TULP1: variants seen among roughly 807,000 people sequenced by gnomAD.
The protein encoded by TULP1 is TUB like protein 1.
TULP1 carries 50 observed loss-of-function variants against 67.1 expected under a neutral mutation model. That is an observed-to-expected ratio of 0.75 (90% CI 0.59 to 0.94). The LOEUF (loss-of-function observed/expected upper bound fraction) is 0.94. Among genes scored for constraint, TULP1 ranks in the 40% least tolerant of loss-of-function variants. The pLI is 0.00. For synonymous variants in TULP1, 297 were observed against 294.0 expected, an observed-to-expected ratio of 1.01 and a Z score of -0.11; for missense variants, 746 against 734.1, an observed-to-expected ratio of 1.02 and a Z score of -0.19.
intron 4 of TULP1, 125 bp downstream of exon 4, chr6:35,511,522 GC>G: frequency 7.0e-7 from 1 of 1,434,414 alleles, no homozygotes; most frequent in South Asian, 1.2e-5. Context: ...CAAAGATAAG[GC>G]CAGAAAAGTG....
intron 11 of TULP1, among the ~76,000 whole-genome samples, chr6:35,505,156 C>T (rs1029375789): frequency 3.3e-5 from 5 of 152,168 alleles, no homozygotes; most frequent in African/African-American, 4.8e-5. Flanking sequence ...AGGCTGATCT[C>T]GGACTCCTGA....
At chr6:35,501,272 C>T (rs1047832761) in intron 13 of TULP1, among the ~76,000 whole-genome samples, 21 of 151,732 alleles carry the variant, frequency 1.4e-4, no homozygotes, top group African/African-American at 4.1e-4. Flanking sequence ...TTTGAGAAGC[C>T]GAGACGAGAG....
chr6:35,498,470 C>G lies in TULP1; in HGVS notation c.1496-10G>C. 2 of 1,613,652 alleles carry G rather than the reference C, an allele frequency of 1.2e-6. No individual in the cohort carries two copies. The highest frequency in any genetic ancestry group is 2.2e-5 in the South Asian group (2 of 91,086). On this transcript the variant is annotated splice_polypyrimidine_tract_variant and intron_variant, in intron 14 of 14. Coordinates refer to ENST00000229771, the MANE Select transcript of TULP1 (RefSeq NM_003322.6). The surrounding 1 kb of genome is among the most constrained non-coding windows in gnomAD (Gnocchi z 6.7). ...AGCACGATATAGTCGGCTATGGACA[C>G]AAGACGGGGTGGGGGCGGCCCGAGA...
intron 1 of TULP1, 59 bp from the exon 2 acceptor site, chr6:35,512,749 C>A (rs2273005): frequency 1.2e-6 from 2 of 1,609,424 alleles, no homozygotes; most frequent in African/African-American, 1.3e-5. Context: ...ATCCCACCCA[C>A]TCCCCATCCC....
chr6:35,506,319 G>T (rs747439133), intron 8 of TULP1, 40 bp from the exon 9 acceptor site: 4 of 1,551,418 alleles, frequency 2.6e-6, no homozygotes, highest in Non-Finnish European at 3.5e-6. Flanking sequence ...TAGAGCAGGG[G>T]CCGCATCCCT....
In TULP1 at chr6:35,510,905, G is replaced by A. The variant is rs1761185526; in HGVS notation, c.455C>T (p.Ser152Phe). 1 of 1,613,866 alleles carries A rather than the reference G, an allele frequency of 6.2e-7. No homozygotes were observed. The highest frequency in any genetic ancestry group is 8.5e-7 in the Non-Finnish European group (1 of 1,180,010). The change falls in exon 5 of 15, where the codon TCC becomes TTC. Residue 152 changes from serine (S) to phenylalanine (F), a missense_variant. Around this residue, in one of 3 missense-constraint regions of TULP1, gnomAD observed 359 missense variants for 341.9 expected, o/e 1.05. Coordinates refer to ENST00000229771, the MANE Select transcript of TULP1 (RefSeq NM_003322.6). ...PPKKPLREKSSADLKERRAKA... is the reference protein window; with the variant it reads ...PPKKPLREKSFADLKERRAKA... ...GGCCCTCCTCTCCTTCAGGTCTGCG[G>A]AGCTCTTCTCTCTCAGGGGCTTCTT... is the stretch of plus-strand genomic sequence containing the variant.
chr6:35,500,077 C>CA lies in TULP1; in HGVS notation c.1398dup (p.Val467CysfsTer5). 6.2e-7 allele frequency: 1 copy of CA among 1,614,172 alleles called. No homozygotes were observed. The highest frequency in any genetic ancestry group is 8.5e-7 in the Non-Finnish European group (1 of 1,180,026). On this transcript the variant is annotated frameshift_variant, in exon 14 of 15. Coordinates refer to ENST00000229771, the MANE Select transcript of TULP1 (RefSeq NM_003322.6). LOFTEE classifies it high-confidence loss of function. Reference sequence around the variant, plus strand: ...TAGGAGCCACTGTCATCGTTCCAGACAGGTGGCTTGTTGTGCAGTTCTATG... The same window carrying CA: ...TAGGAGCCACTGTCATCGTTCCAGACAAGGTGGCTTGTTGTGCAGTTCTATG...
intron 14 of TULP1, among the ~76,000 whole-genome samples, chr6:35,499,698 A>G (rs1768786452): frequency 6.6e-6 from 1 of 152,130 alleles, no homozygotes. Flanking sequence ...CCCTCCCTTC[A>G]ACACAATCTT....
Position 35,511,719 on chromosome 6 carries a change from C to G in TULP1, c.278G>C (p.Arg93Thr). 1 of 1,592,726 alleles carries G rather than the reference C, an allele frequency of 6.3e-7. No homozygotes were observed. The highest frequency in any genetic ancestry group is 8.5e-7 in the Non-Finnish European group (1 of 1,169,880). ...GTCGCGCTTCTTGGCCTCGGGGTCC[C>G]TGAGGAACCTGGCGTAGACCGTCTG... Reference protein sequence around the residue: ...APQTVYARFLRDPEAKKRDPR... With the variant: ...APQTVYARFLTDPEAKKRDPR... Residue 93 changes from arginine (R) to threonine (T), a missense_variant, in exon 4 of 15, where the codon AGG becomes ACG. This residue lies in a region of TULP1 where 359 missense variants were observed against 341.9 expected (regional missense o/e 1.05). Transcript: ENST00000229771.
intron 11 of TULP1, chr6:35,504,204 T>C: frequency 3.4e-6 from 1 of 292,506 alleles, no homozygotes; most frequent in South Asian, 3.5e-5. Context: ...CTAGGCACGG[T>C]GGCATGTGCC....
chr6:35,508,139 C>T (rs1352437432), intron 8 of TULP1, among the ~76,000 whole-genome samples: 2 of 152,132 alleles, frequency 1.3e-5, no homozygotes, highest in African/African-American at 4.8e-5. Context: ...TTTTGTTGAG[C>T]ACAGGTTTGC....
chr6:35,499,398 G>A (rs1382894778), intron 14 of TULP1, among the ~76,000 whole-genome samples: 1 of 152,242 alleles, frequency 6.6e-6, no homozygotes, highest in African/African-American at 2.4e-5. Context: ...CCGTGGGCAA[G>A]TTGCTTAACC....
chr6:35,512,524 G>C, intron 2 of TULP1, 115 bp downstream of exon 2: 2 of 1,373,098 alleles, frequency 1.5e-6, no homozygotes, highest in Non-Finnish European at 2.0e-6. Context: ...CTCCAGACAT[G>C]CAACCCCCAG....
chr6:35,502,254 C>T (rs1210948856), intron 13 of TULP1, among the ~76,000 whole-genome samples: 1 of 151,994 alleles, frequency 6.6e-6, no homozygotes, highest in African/African-American at 2.4e-5. Context: ...AGTGCAGCAG[C>T]GTGATCTTGG....
At position 35,512,192 on chromosome 6, in the gene TULP1, G is replaced by C. The variant is rs1202178745; in HGVS notation, c.178C>G (p.Arg60Gly). Residue 60 changes from arginine to glycine, a missense_variant, in exon 3 of 15, where the codon CGG (arginine) becomes GGG (glycine). Physicochemically the swap from Arg to Gly is moderately radical, Grantham distance 125. Around this residue, in one of 3 missense-constraint regions of TULP1, gnomAD observed 359 missense variants for 341.9 expected, o/e 1.05. Transcript: ENST00000229771. Reference sequence around the variant, plus strand: ...GCACCCCGCCCACCTCCGGGCTTCCGGGGCTTGGATCCCGTGGGGCAGGGG... The same window carrying C: ...GCACCCCGCCCACCTCCGGGCTTCCCGGGCTTGGATCCCGTGGGGCAGGGG... ...ESPCPTGSKP[R>G]KPGAGRTGRP... The C allele has an allele frequency of 1.5e-6, 2 of 1,346,924 alleles. No individual in the cohort carries two copies. The highest frequency in any genetic ancestry group is 1.9e-6 in the Non-Finnish European group (2 of 1,048,400). 83.4% of individuals were successfully genotyped at this position (1,346,924 alleles called of 1,614,324 possible).
In TULP1 at chr6:35,498,423, C is replaced by T. The variant is rs1355165163; in HGVS notation, c.1533G>A (p.Glu511=). The change falls in exon 15 of 15, where the codon GAG becomes GAA. Residue 511 remains glutamate (E), a synonymous_variant. Coordinates refer to ENST00000229771, the MANE Select transcript of TULP1 (RefSeq NM_003322.6). The surrounding 1 kb of genome is among the most constrained non-coding windows in gnomAD (Gnocchi z 6.7). ...ACCGGTAGTCTAGGGTGAAGGCGTC[C>T]TCCGCCACGCGGCCGAACTGCAGCA... ...YIVLQFGRVA[E]DAFTLDYRYP... is the part of the protein sequence containing the mutation. 6.2e-7 allele frequency: 1 copy of T among 1,613,862 alleles called. No individual in the cohort carries two copies. Among genetic ancestry groups the T allele is most frequent in the African/African-American group, 1.3e-5 (1 of 74,936 alleles).
Position 35,505,626 on chromosome 6 carries a change from C to G in TULP1, c.1112+115G>C, listed in dbSNP as rs568203604. 7.1e-6 allele frequency: 11 copies of G among 1,552,160 alleles called. No homozygotes were observed. The Admixed American group carries it at 1.4e-4, about 19-fold the overall frequency. On this transcript the variant is annotated intron_variant, in intron 11 of 14. Coordinates refer to ENST00000229771, the MANE Select transcript of TULP1 (RefSeq NM_003322.6). Reference sequence around the variant, plus strand: ...AAGCGAGAGGCCCTAGGCTAGGGGACGTTTCCAGGGTGCCCACTGTGGTGG... The same window carrying G: ...AAGCGAGAGGCCCTAGGCTAGGGGAGGTTTCCAGGGTGCCCACTGTGGTGG...
intron 14 of TULP1, among the ~76,000 whole-genome samples, chr6:35,499,565 C>T (rs1321747636): frequency 6.6e-6 from 1 of 152,192 alleles, no homozygotes; most frequent in African/African-American, 2.4e-5. Flanking sequence ...ATTTCGAGGG[C>T]CAGTGTAACT....
At chr6:35,511,358 T>C (rs1206835311) in intron 4 of TULP1, among the ~76,000 whole-genome samples, 1 of 152,172 alleles carries the variant, frequency 6.6e-6, no homozygotes, top group Non-Finnish European at 1.5e-5. Flanking sequence ...TTTCTGACCT[T>C]GAGTCAGACC....
Sources: gnomAD v4.1 joint callset for allele counts (sites outside exome capture counted in the v4.1 genomes callset) on GRCh38, gnomAD v4.1.1 for gene constraint, gnomAD v4.1.1 regional missense constraint, Gnocchi (gnomAD v3.1) non-coding constraint, MANE v1.5 for transcripts, NCBI Gene and HGNC (gene_info 2026-07-23, HGNC 2026-07-21) for gene names.